Variants in RAD51B observed in about 807,000 individuals in gnomAD.
The protein encoded by RAD51B is DNA repair protein RAD51 homolog 2.
A neutral mutation model predicts 42.2 loss-of-function variants in RAD51B; 38 were observed. The observed-to-expected ratio is 0.90, with a 90% CI of 0.70 to 1.18. RAD51B has a LOEUF of 1.18. RAD51B is among the 50% of genes most tolerant of loss of function. The pLI is 0.00. For synonymous variants in RAD51B, 154 were observed against 145.2 expected (o/e 1.06, Z -0.43); for missense variants, 373 against 400.7 (o/e 0.93, Z 0.59).
At chr14:68,518,084 G>C (rs1419011976) in intron 10 of RAD51B, among the ~76,000 whole-genome samples, 1 of 152,212 alleles carries the variant, frequency 6.6e-6, no homozygotes, top group Non-Finnish European at 1.5e-5. Context: ...TGTGGGACAA[G>C]AGAAGCAGCT....
At chr14:67,842,471 C>T (rs1365182928) in intron 4 of RAD51B, among the ~76,000 whole-genome samples, 1 of 152,150 alleles carries the variant, frequency 6.6e-6, no homozygotes, top group African/African-American at 2.4e-5. Flanking sequence ...CTCACCTCCT[C>T]ACCTTCTCTT....
chr14:68,590,165 C>T (rs944274587), intron 10 of RAD51B, among the ~76,000 whole-genome samples: 50 of 152,304 alleles, frequency 3.3e-4, no homozygotes, highest in Admixed American at 3.0e-3. Flanking sequence ...CCTCGGCCTC[C>T]AGCAAGATGT....
intron 8 of RAD51B, among the ~76,000 whole-genome samples, chr14:68,312,779 G>T (rs2081987722): frequency 1.3e-5 from 2 of 152,230 alleles, no homozygotes; most frequent in African/African-American, 4.8e-5. Context: ...AAGATAAAAT[G>T]TTGCTAAGAG....
intron 10 of RAD51B, among the ~76,000 whole-genome samples, chr14:68,648,878 A>G (rs1467354319): frequency 6.6e-6 from 1 of 151,754 alleles, no homozygotes; most frequent in Admixed American, 6.6e-5. Flanking sequence ...GGGGAGTATC[A>G]GGTTATGGGA....
chr14:68,677,383 A>G (rs775828689), intron 11 of RAD51B, among the ~76,000 whole-genome samples: 3 of 152,054 alleles, frequency 2.0e-5, no homozygotes, highest in Non-Finnish European at 2.9e-5. Flanking sequence ...GCCTCTTCAC[A>G]TTGGACATAA....
chr14:68,218,483 A>G (rs897952932), intron 7 of RAD51B, among the ~76,000 whole-genome samples: 1 of 152,226 alleles, frequency 6.6e-6, no homozygotes, highest in Non-Finnish European at 1.5e-5. Context: ...CTAGAGAAAT[A>G]TGTGCTTGCT....
chr14:68,336,273 G>A (rs1463456904), intron 8 of RAD51B, among the ~76,000 whole-genome samples: 1 of 152,132 alleles, frequency 6.6e-6, no homozygotes, highest in African/African-American at 2.4e-5. Flanking sequence ...TCTCAAAACT[G>A]TCCTATCTTC....
intron 4 of RAD51B, among the ~76,000 whole-genome samples, chr14:67,853,230 C>T (rs1292952518): frequency 2.0e-5 from 3 of 152,170 alleles, no homozygotes; most frequent in Admixed American, 6.5e-5. Flanking sequence ...TTGATTCTTA[C>T]TCCCAACCTC....
intron 7 of RAD51B, among the ~76,000 whole-genome samples, chr14:68,220,857 G>A (rs111728212): frequency 1.3e-5 from 2 of 152,188 alleles, no homozygotes; most frequent in Non-Finnish European, 2.9e-5. Context: ...CCCCGGCCAG[G>A]CATGGTGGCT....
intron 7 of RAD51B, among the ~76,000 whole-genome samples, chr14:68,267,036 G>A (rs890838537): frequency 1.3e-5 from 2 of 152,140 alleles, no homozygotes; most frequent in Non-Finnish European, 1.5e-5. Flanking sequence ...ACCAAACCTC[G>A]AGCTCTCTCT....
chr14:68,326,025 T>C (rs2082241851), intron 8 of RAD51B, among the ~76,000 whole-genome samples: 1 of 70,496 alleles, frequency 1.4e-5, no homozygotes, highest in Admixed American at 2.0e-4. Context: ...AATGTTGTTA[T>C]TCTTTTTCTT....
chr14:68,073,907 G>A (rs1460373160), intron 7 of RAD51B, among the ~76,000 whole-genome samples: 3 of 152,168 alleles, frequency 2.0e-5, no homozygotes, highest in African/African-American at 4.8e-5. Context: ...TTAGCCTGAT[G>A]TGGTTCCCTT....
At chr14:68,310,578 G>T (rs1439936173) in intron 8 of RAD51B, among the ~76,000 whole-genome samples, 1 of 152,176 alleles carries the variant, frequency 6.6e-6, no homozygotes, top group Non-Finnish European at 1.5e-5. Flanking sequence ...GGACGTGGTG[G>T]CTCACGCCTG....
At chr14:68,321,753 A>T (rs1474230600) in intron 8 of RAD51B, among the ~76,000 whole-genome samples, 1 of 152,124 alleles carries the variant, frequency 6.6e-6, no homozygotes, top group African/African-American at 2.4e-5. Context: ...TTTAAAATTA[A>T]TGTGTTTATT....
intron 7 of RAD51B, among the ~76,000 whole-genome samples, chr14:68,046,643 G>A (rs2076305186): frequency 6.6e-6 from 1 of 152,176 alleles, no homozygotes; most frequent in Non-Finnish European, 1.5e-5. Flanking sequence ...GGCTGAGATG[G>A]GAGGATCGCT....
intron 10 of RAD51B, among the ~76,000 whole-genome samples, chr14:68,638,634 C>A (rs1892390557): frequency 6.6e-6 from 1 of 151,640 alleles, no homozygotes; most frequent in African/African-American, 2.4e-5. Context: ...ATCTGCCTGG[C>A]CCAGTCGGGG....
chr14:68,225,287 G>A (rs574430778), intron 7 of RAD51B, among the ~76,000 whole-genome samples: 1 of 152,230 alleles, frequency 6.6e-6, no homozygotes, highest in South Asian at 2.1e-4. Flanking sequence ...TAAGATTCCT[G>A]TTCAGCTTAT....
At chr14:68,310,389 T>A (rs1429765704) in intron 8 of RAD51B, among the ~76,000 whole-genome samples, 1 of 152,236 alleles carries the variant, frequency 6.6e-6, no homozygotes, top group East Asian at 1.9e-4. Flanking sequence ...CACTTTTTCC[T>A]TCTCTGTGCT....
intron 7 of RAD51B, among the ~76,000 whole-genome samples, chr14:68,072,900 T>G (rs1595360741): frequency 1.3e-5 from 2 of 152,220 alleles, no homozygotes; most frequent in Admixed American, 1.3e-4. Context: ...GAGAATGTGG[T>G]TGGTATAATT....
Sources: gnomAD v4.1 joint callset for allele counts (sites outside exome capture counted in the v4.1 genomes callset) on GRCh38, gnomAD v4.1.1 for gene constraint, MANE v1.5 for transcripts, NCBI Gene and HGNC (gene_info 2026-07-23, HGNC 2026-07-21) for gene names.